DNM1: variants seen among roughly 807,000 people sequenced by gnomAD.
DNM1 encodes dynamin 1.
In DNM1, 29 loss-of-function variants were observed where a neutral mutation model predicts 104.6. The ratio of observed to expected loss-of-function variants is 0.28; its 90% CI spans 0.21 to 0.38. The LOEUF (loss-of-function observed/expected upper bound fraction) is 0.38. Among genes scored for constraint, DNM1 ranks in the 10% least tolerant of loss-of-function variants. The pLI, the probability that DNM1 is intolerant of heterozygous loss-of-function variation, is 1.00. For synonymous variants in DNM1, 445 were observed against 475.8 expected (o/e 0.94, Z 0.84); for missense variants, 640 against 1,189.4 (o/e 0.54, Z 6.79).
intron 10 of DNM1, among the ~76,000 whole-genome samples, chr9:128,233,146 G>A (rs896369653): frequency 5.9e-5 from 9 of 152,246 alleles, no homozygotes; most frequent in Non-Finnish European, 1.3e-4. Flanking sequence ...GGACGGGTTT[G>A]GAGCAACTTC....
At position 128,222,984 on chromosome 9, in the gene DNM1, C is replaced by G; in HGVS notation, c.1196+124C>G. On this transcript the variant is annotated intron_variant, in intron 9 of 21. Transcript: ENST00000372923. The surrounding 1 kb of genome is among the most constrained non-coding windows in gnomAD (Gnocchi z 7.8). ...TGAAAGCTCTGTTCCCCAGTCCTCT[C>G]GACCCCAACTTTCTGGCTCCCTGCA... 1.0e-6 allele frequency: 1 copy of G among 962,714 alleles called. No homozygotes were observed. Among genetic ancestry groups the G allele is most frequent in the Non-Finnish European group, 1.6e-6 (1 of 635,140 alleles). 59.6% of individuals were successfully genotyped at this position (962,714 alleles called of 1,614,324 possible). A position where few individuals can be genotyped will look rare whatever the true frequency, so the allele number is the denominator to read the frequency against.
At chr9:128,233,684 C>A in intron 10 of DNM1, 1 of 366,012 alleles carries the variant, frequency 2.7e-6, no homozygotes, top group South Asian at 2.9e-5. Context: ...TCCCCAGAGG[C>A]CTTAACCTAA....
Position 128,244,773 on chromosome 9 carries a change from T to A in DNM1, c.1672-1621T>A, listed in dbSNP as rs529476261. 7.3e-4 allele frequency: 392 copies of A among 534,448 alleles called. 8 individuals carry two copies. The highest frequency in any genetic ancestry group is 5.4e-3 in the South Asian group (389 of 71,572). The allele number at this position is 534,448 out of a possible 1,614,324, so 33.1% of individuals were successfully genotyped here. On this transcript the variant is annotated intron_variant, in intron 15 of 21. Transcript: ENST00000372923. ...CCAATGTGCAGACTACTGTACAATT[T>A]GGGAGTCCTGAACAGATAGTCTAAA...
chr9:128,211,142 C>T (rs1310662430), intron 1 of DNM1, among the ~76,000 whole-genome samples: 1 of 152,228 alleles, frequency 6.6e-6, no homozygotes, highest in Non-Finnish European at 1.5e-5. Context: ...TCACTCCTGT[C>T]TACCTCAGAC....
chr9:128,231,194 C>T (rs1023529129), intron 10 of DNM1, among the ~76,000 whole-genome samples: 18 of 68,500 alleles, frequency 2.6e-4, no homozygotes, highest in Non-Finnish European at 4.0e-4. Flanking sequence ...ATACTTTTGC[C>T]TTTTTTTTTT....
Position 128,203,458 on chromosome 9 carries a change from G to A in DNM1, c.-13G>A, listed in dbSNP as rs928532911. The A allele has an allele frequency of 1.2e-5, 18 of 1,468,880 alleles. No homozygotes were observed. In the Admixed American group the frequency reaches 2.7e-4, roughly 22 times the overall value. 91.0% of individuals were successfully genotyped at this position (1,468,880 alleles called of 1,614,324 possible). A position where few individuals can be genotyped will look rare whatever the true frequency, so the allele number is the denominator to read the frequency against. On this transcript the variant is annotated 5_prime_UTR_variant, in exon 1 of 22. Transcript: ENST00000372923. The surrounding 1 kb of genome is among the most constrained non-coding windows in gnomAD (Gnocchi z 5.3). ...CGGCAGCCGGATCGCAGCCTGCGGG[G>A]CCCGCCGCAGCCATGGGCAACCGCG...
At position 128,254,571 on chromosome 9, in the gene DNM1, C is replaced by T; in HGVS notation, c.2535-83C>T. Reference sequence around the variant, plus strand: ...CACCACTGCTGCGGCGCGGCCGGCCCCGGCCGTGTGCTGCGCTTGCCTTAC... The same window carrying T: ...CACCACTGCTGCGGCGCGGCCGGCCTCGGCCGTGTGCTGCGCTTGCCTTAC... On this transcript the variant is annotated intron_variant, in intron 21 of 21. Coordinates refer to ENST00000372923, the MANE Select transcript of DNM1 (RefSeq NM_004408.4). The surrounding 1 kb of genome is among the most constrained non-coding windows in gnomAD (Gnocchi z 6.1). 1 of 1,588,996 alleles carries T rather than the reference C, an allele frequency of 6.3e-7. No individual in the cohort carries two copies. Among genetic ancestry groups the T allele is most frequent in the Non-Finnish European group, 8.5e-7 (1 of 1,174,462 alleles).
At chr9:128,229,295 T>C (rs991720270) in intron 10 of DNM1, among the ~76,000 whole-genome samples, 3 of 151,288 alleles carry the variant, frequency 2.0e-5, no homozygotes, top group African/African-American at 7.3e-5. Context: ...CTTGGGAGGC[T>C]GAGGCAGAAG....
intron 1 of DNM1, among the ~76,000 whole-genome samples, chr9:128,211,324 A>T (rs1421082207): frequency 6.6e-6 from 1 of 152,136 alleles, no homozygotes; most frequent in African/African-American, 2.4e-5. Context: ...TGGGCCCCTG[A>T]GGGCTGATTA....
At chr9:128,232,695 T>C (rs1835771760) in intron 10 of DNM1, 1 of 152,516 alleles carries the variant, frequency 6.6e-6, no homozygotes, top group Non-Finnish European at 1.5e-5. Flanking sequence ...TGCCCCATCG[T>C]GCTGCCTGGG....
chr9:128,226,847 C>T (rs551815420), intron 10 of DNM1, among the ~76,000 whole-genome samples: 1 of 152,030 alleles, frequency 6.6e-6, no homozygotes, highest in Non-Finnish European at 1.5e-5. Context: ...CAGGGGAGTG[C>T]GAGAGAATCA....
intron 11 of DNM1, among the ~76,000 whole-genome samples, chr9:128,234,665 C>T (rs778157160): frequency 1.3e-5 from 2 of 151,736 alleles, no homozygotes; most frequent in African/African-American, 2.4e-5. Flanking sequence ...TGAGCCACCG[C>T]GCCTGGCCCA....
chr9:128,247,267 A>G lies in DNM1; in HGVS notation c.1782-108A>G, dbSNP rs1034985288. ...ACTTGCACAGGGTCACACAGCTGGGAAATGAGCTGGCCTCAGGCATGTTGA... is the reference window on the plus strand; with the variant it reads ...ACTTGCACAGGGTCACACAGCTGGGGAATGAGCTGGCCTCAGGCATGTTGA... On this transcript the variant is annotated intron_variant, in intron 16 of 21. Transcript: ENST00000372923. The surrounding 1 kb of genome is among the most constrained non-coding windows in gnomAD (Gnocchi z 5.1). 3 of 667,004 alleles carry G rather than the reference A, an allele frequency of 4.5e-6. No individual in the cohort carries two copies. Among genetic ancestry groups the G allele is most frequent in the Non-Finnish European group, 8.0e-6 (3 of 375,802 alleles). 41.3% of individuals were successfully genotyped at this position (667,004 alleles called of 1,614,324 possible).
rs542707143 is a variant in DNM1, at chr9:128,245,101, C to T, written c.1672-1293C>T. On this transcript the variant is annotated intron_variant, in intron 15 of 21. Coordinates refer to ENST00000372923, the MANE Select transcript of DNM1 (RefSeq NM_004408.4). This position sits in a 1 kb window ranked among gnomAD's most constrained non-coding sequence, Gnocchi z 5.2. ...GCCGCTCCTACCTAGTGTCCAACCC[C>T]GAAGCACAGGGCGGGTGGTGGCGGG... The T allele has an allele frequency of 4.1e-4, 93 of 225,574 alleles. No homozygotes were observed. The highest frequency in any genetic ancestry group is 2.0e-3 in the Middle Eastern group (1 of 508). 14.0% of individuals were successfully genotyped at this position (225,574 alleles called of 1,614,324 possible).
chr9:128,244,660 T>C (rs113655888), intron 15 of DNM1: 2 of 471,726 alleles, frequency 4.2e-6, no homozygotes, highest in South Asian at 1.6e-5. Context: ...ACCCCCTGGC[T>C]CCAGGCTCCG....
Position 128,203,730 on chromosome 9 carries a change from C to T in DNM1, c.161+99C>T. Reference sequence around the variant, plus strand: ...GGCGCGGCGACCTCGCAGCCCCCGACGCTGCACCCGCGGCCGGCGCGCCCC... The same window carrying T: ...GGCGCGGCGACCTCGCAGCCCCCGATGCTGCACCCGCGGCCGGCGCGCCCC... On this transcript the variant is annotated intron_variant, in intron 1 of 21. Transcript: ENST00000372923. The surrounding 1 kb of genome is among the most constrained non-coding windows in gnomAD (Gnocchi z 5.3). 1 of 1,152,764 alleles carries T rather than the reference C, an allele frequency of 8.7e-7. No homozygotes were observed. Among genetic ancestry groups the T allele is most frequent in the Non-Finnish European group, 1.1e-6 (1 of 912,766 alleles). 71.4% of individuals were successfully genotyped at this position (1,152,764 alleles called of 1,614,324 possible).
chr9:128,253,701 C>A lies in DNM1; in HGVS notation c.2535-953C>A. On this transcript the variant is annotated intron_variant, in intron 21 of 21. Coordinates refer to ENST00000372923, the MANE Select transcript of DNM1 (RefSeq NM_004408.4). The surrounding 1 kb of genome is among the most constrained non-coding windows in gnomAD (Gnocchi z 5.9). ...ATCCAGTGGTGACCTAGGGTAAAAGCTTGAGAGTCCCATACACACGGTCAT... is the reference window on the plus strand; with the variant it reads ...ATCCAGTGGTGACCTAGGGTAAAAGATTGAGAGTCCCATACACACGGTCAT... The A allele has an allele frequency of 3.6e-6, 1 of 275,276 alleles. No homozygotes were observed. The highest frequency in any genetic ancestry group is 6.7e-6 in the Non-Finnish European group (1 of 148,664). The allele number at this position is 275,276 out of a possible 1,614,324, so 17.1% of individuals were successfully genotyped here.
At chr9:128,208,954 A>G (rs995379766) in intron 1 of DNM1, among the ~76,000 whole-genome samples, 1 of 152,136 alleles carries the variant, frequency 6.6e-6, no homozygotes, top group African/African-American at 2.4e-5. Flanking sequence ...AAAGAGCCCA[A>G]CGGGTTTGAG....
rs958501292 is a variant in DNM1 at position 128,218,155 on chromosome 9, G to A, written c.162-76G>A. 3.5e-6 allele frequency: 5 copies of A among 1,438,800 alleles called. No homozygotes were observed. In the African/African-American group the frequency reaches 7.0e-5, roughly 20 times the overall value. 89.1% of individuals were successfully genotyped at this position (1,438,800 alleles called of 1,614,324 possible). On this transcript the variant is annotated intron_variant, in intron 1 of 21. Transcript: ENST00000372923. This position sits in a 1 kb window ranked among gnomAD's most constrained non-coding sequence, Gnocchi z 4.8. ...TTGGAAGGAGCTTTGGCTTTCCCAG[G>A]GGCCGGACAGGTACCCCTGGGACAG...
Sources: gnomAD v4.1 joint callset for allele counts (sites outside exome capture counted in the v4.1 genomes callset) on GRCh38, gnomAD v4.1.1 for gene constraint, Gnocchi (gnomAD v3.1) non-coding constraint, MANE v1.5 for transcripts, NCBI Gene and HGNC (gene_info 2026-07-23, HGNC 2026-07-21) for gene names.